Variants in KDM4C observed in about 807,000 individuals in gnomAD.
The protein encoded by KDM4C is lysine-specific demethylase 4C.
A neutral mutation model predicts 129.3 loss-of-function variants in KDM4C; 81 were observed. The observed-to-expected ratio is 0.63, with a 90% CI of 0.52 to 0.75. The LOEUF is 0.75. Ranked by LOEUF, KDM4C falls within the 30% of genes least tolerant of loss-of-function variation. The pLI is 0.00. For missense variants in KDM4C, 1,457 were observed against 1,304.0 expected, an observed-to-expected ratio of 1.12 and a Z score of -1.81; for synonymous variants, 573 against 456.1, an observed-to-expected ratio of 1.26 and a Z score of -3.26.
chr9:6,789,149 G>C (rs1826044393), intron 1 of KDM4C, among the ~76,000 whole-genome samples: 1 of 151,412 alleles, frequency 6.6e-6, no homozygotes, highest in Non-Finnish European at 1.5e-5. Flanking sequence ...CCCCGGGGTG[G>C]TAAAGCAGTC....
chr9:6,834,827 G>A (rs993182448), intron 4 of KDM4C: 1 of 1,381,620 alleles, frequency 7.2e-7, no homozygotes, highest in Non-Finnish European at 1.0e-6. Flanking sequence ...GATCATGTTT[G>A]AGACCTTCAT....
intron 2 of KDM4C, among the ~76,000 whole-genome samples, chr9:6,804,822 CAGCACAT>C (rs1446706411): frequency 1.3e-5 from 2 of 151,460 alleles, no homozygotes; most frequent in African/African-American, 4.9e-5. Context: ...ATAATATAAA[CAGCACAT>C]AGGTACTTAG....
At chr9:7,071,430 A>AGGG (rs1269952086) in intron 17 of KDM4C, among the ~76,000 whole-genome samples, 1 of 152,198 alleles carries the variant, frequency 6.6e-6, no homozygotes, top group African/African-American at 2.4e-5. Context: ...AATGTGGTGA[A>AGGG]GGGATAGACA....
At chr9:7,165,170 T>C in intron 19 of KDM4C, 68 bp from the exon 20 acceptor site, 1 of 1,566,556 alleles carries the variant, frequency 6.4e-7, no homozygotes, top group African/African-American at 1.4e-5. Flanking sequence ...GAGTTCATCA[T>C]TTGCTAAGTT....
chr9:7,130,250 A>T (rs552945928), intron 19 of KDM4C, among the ~76,000 whole-genome samples: 21 of 152,252 alleles, frequency 1.4e-4, no homozygotes, highest in Non-Finnish European at 2.9e-4. Context: ...GAGCACAGTT[A>T]AACAGGTAAA....
intron 15 of KDM4C, among the ~76,000 whole-genome samples, chr9:7,043,641 C>T (rs188515416): frequency 6.6e-6 from 1 of 151,194 alleles, no homozygotes; most frequent in African/African-American, 2.4e-5. Flanking sequence ...GCCATTGAGT[C>T]AAACAAATGA....
intron 15 of KDM4C, among the ~76,000 whole-genome samples, chr9:7,028,607 G>A (rs920626264): frequency 6.6e-6 from 1 of 152,002 alleles, no homozygotes; most frequent in African/African-American, 2.4e-5. Flanking sequence ...TCAGTAAGTT[G>A]AATGTCCAGT....
rs187243595 is a variant in KDM4C, at chr9:7,171,209, C to G, written c.2994+1319C>G. ...AGAGGAGTGGTGGTATTGCTGCCCA[C>G]TCGATGGGAAATGTGGCTCAGAGGG... On this transcript the variant is annotated intron_variant, in intron 21 of 21. Transcript: ENST00000381309. 2.0e-5 allele frequency among the ~76,000 whole-genome samples: 3 copies of G among 152,078 alleles called. No homozygotes were observed. The East Asian group carries it at 5.8e-4, about 29-fold the overall frequency.
At chr9:6,745,210 A>G (rs1817835827) in intron 1 of KDM4C, among the ~76,000 whole-genome samples, 1 of 152,148 alleles carries the variant, frequency 6.6e-6, no homozygotes, top group African/African-American at 2.4e-5. Flanking sequence ...GTTCCCTCCA[A>G]TCTACAGTTC....
intron 1 of KDM4C, among the ~76,000 whole-genome samples, chr9:6,747,021 A>G (rs1817903841): frequency 1.3e-5 from 2 of 150,086 alleles, no homozygotes; most frequent in African/African-American, 2.4e-5. Context: ...AAAAAAAAAA[A>G]AAAAAAAAGA....
rs536598698 is a variant in KDM4C, at chr9:7,028,318, A to G, written c.2259+12389A>G. 5.9e-5 allele frequency among the ~76,000 whole-genome samples: 9 copies of G among 151,888 alleles called. No homozygotes were observed. In the South Asian group the frequency reaches 1.7e-3, roughly 28 times the overall value. On this transcript the variant is annotated intron_variant, in intron 15 of 21. Transcript: ENST00000381309. ...AGTCAGCAGATGATGGGTCTTGCCA[A>G]TACTGGGTCCATTGTTTCAAGGCAG...
At chr9:7,080,797 A>G (rs1834437376) in intron 17 of KDM4C, among the ~76,000 whole-genome samples, 1 of 152,242 alleles carries the variant, frequency 6.6e-6, no homozygotes, top group Non-Finnish European at 1.5e-5. Flanking sequence ...GTACAACCCC[A>G]TAAATCTCAA....
intron 8 of KDM4C, among the ~76,000 whole-genome samples, chr9:6,917,975 A>G (rs1820630638): frequency 6.6e-6 from 1 of 152,148 alleles, no homozygotes; most frequent in Admixed American, 6.5e-5. Flanking sequence ...TCAGCATACA[A>G]GCTGTTATTT....
intron 12 of KDM4C, among the ~76,000 whole-genome samples, chr9:6,992,145 C>G (rs1015593630): frequency 1.3e-5 from 2 of 152,002 alleles, no homozygotes; most frequent in Non-Finnish European, 2.9e-5. Flanking sequence ...ATTTCCCTTT[C>G]CCATGGTAGA....
chr9:7,163,316 C>A (rs12339837), intron 19 of KDM4C, among the ~76,000 whole-genome samples: 1 of 152,178 alleles, frequency 6.6e-6, no homozygotes, highest in Non-Finnish European at 1.5e-5. Context: ...TGTCACCGTG[C>A]TTCTCTTGAA....
rs1015283013 is a variant in KDM4C at position 7,030,173 on chromosome 9, A to G, written c.2259+14244A>G. On this transcript the variant is annotated intron_variant, in intron 15 of 21. Coordinates refer to ENST00000381309, the MANE Select transcript of KDM4C (RefSeq NM_015061.6). ...TGCTTTGTATTTCCATTTTGCTTTA[A>G]TTAGTTTGTCTTAAAAATTAGGGAC... Among the ~76,000 whole-genome samples the G allele has an allele frequency of 2.0e-5, 3 of 152,292 alleles. No homozygotes were observed. In the East Asian group the frequency reaches 5.8e-4, roughly 29 times the overall value.
At chr9:6,813,448 TG>T (rs1311916283) in intron 3 of KDM4C, among the ~76,000 whole-genome samples, 2 of 152,250 alleles carry the variant, frequency 1.3e-5, no homozygotes, top group Non-Finnish European at 2.9e-5. Context: ...TGAATACAGT[TG>T]TTCCATTATT....
At chr9:7,026,675 T>G (rs534119268) in intron 15 of KDM4C, among the ~76,000 whole-genome samples, 2 of 152,152 alleles carry the variant, frequency 1.3e-5, no homozygotes, top group Non-Finnish European at 2.9e-5. Flanking sequence ...TGACCAACTT[T>G]CTACCCTCAT....
chr9:6,966,202 A>G (rs113246441), intron 8 of KDM4C, among the ~76,000 whole-genome samples: 7,732 of 151,056 alleles, frequency 0.051, 429 homozygotes, highest in African/African-American at 0.13. Flanking sequence ...TTTTTTTTTT[A>G]GACGGAGTCT....
Sources: allele counts gnomAD v4.1 joint callset (sites outside exome capture counted in the v4.1 genomes callset), GRCh38; gene constraint gnomAD v4.1.1; transcripts MANE v1.5; gene names NCBI Gene and HGNC (gene_info 2026-07-23, HGNC 2026-07-21).